ADCY1: variants seen among roughly 807,000 people sequenced by gnomAD.
ADCY1 encodes the protein adenylate cyclase 1, also known as adenylate cyclase type 1.
In ADCY1, 28 loss-of-function variants were observed where a neutral mutation model predicts 105.4. The ratio of observed to expected loss-of-function variants is 0.27; its 90% CI spans 0.20 to 0.36. The LOEUF (loss-of-function observed/expected upper bound fraction) is 0.36. ADCY1 is among the 10% of genes least tolerant of loss of function. The pLI, the probability that ADCY1 is intolerant of heterozygous loss-of-function variation, is 1.00. For missense variants in ADCY1, 977 were observed against 1,434.2 expected, an observed-to-expected ratio of 0.68 and a Z score of 5.15; for synonymous variants, 655 against 623.8, an observed-to-expected ratio of 1.05 and a Z score of -0.75.
In ADCY1 at chr7:45,720,016, A is replaced by T. The variant is rs771825116; in HGVS notation, c.*6021A>T. On this transcript the variant is annotated 3_prime_UTR_variant, in exon 20 of 20. Transcript: ENST00000297323. ...TTCTCGGTGTGCAGAGGCTGTAGAG[A>T]GAGCCTCAGGGCGGTGACCGCTGCA... The T allele has an allele frequency of 6.6e-6, 1 of 152,070 alleles. No individual in the cohort carries two copies. The highest frequency in any genetic ancestry group is 1.5e-5 in the Non-Finnish European group (1 of 68,032). 9.4% of individuals were successfully genotyped at this position (152,070 alleles called of 1,614,324 possible).
At chr7:45,637,389 C>G (rs1169895755) in intron 4 of ADCY1, among the ~76,000 whole-genome samples, 1 of 152,170 alleles carries the variant, frequency 6.6e-6, no homozygotes, top group Non-Finnish European at 1.5e-5. Flanking sequence ...GCTTTTCATT[C>G]ATTTATGCAG....
chr7:45,594,734 G>C (rs180702981), intron 2 of ADCY1, among the ~76,000 whole-genome samples: 56 of 152,282 alleles, frequency 3.7e-4, no homozygotes, highest in Middle Eastern at 3.4e-3. Flanking sequence ...GGAGGAGGCA[G>C]TCCACACTCA....
At chr7:45,661,222 A>G (rs1279470200) in intron 7 of ADCY1, among the ~76,000 whole-genome samples, 1 of 152,164 alleles carries the variant, frequency 6.6e-6, no homozygotes. Flanking sequence ...CAAGATAGGT[A>G]CAGTATACAG....
intron 4 of ADCY1, among the ~76,000 whole-genome samples, chr7:45,632,948 T>A (rs1274536668): frequency 6.6e-6 from 1 of 152,142 alleles, no homozygotes; most frequent in Non-Finnish European, 1.5e-5. Context: ...GACGGAGTCT[T>A]GCTCTGTTGC....
At chr7:45,699,734 G>C (rs1266513887) in intron 14 of ADCY1, among the ~76,000 whole-genome samples, 1 of 152,118 alleles carries the variant, frequency 6.6e-6, no homozygotes, top group South Asian at 2.1e-4. Flanking sequence ...CCTACTCCTG[G>C]TACTCTGAGG....
In ADCY1 at chr7:45,722,481, T is replaced by C. The variant is rs1053968800; in HGVS notation, c.*8486T>C. The C allele has an allele frequency of 1.3e-5, 2 of 151,904 alleles. No homozygotes were observed. Among genetic ancestry groups the C allele is most frequent in the African/African-American group, 2.4e-5 (1 of 41,182 alleles). 9.4% of individuals were successfully genotyped at this position (151,904 alleles called of 1,614,324 possible). ...GAGCTTTGTGTAGCTCGTGCACTTA[T>C]TATGCACCACCTCCCTTCAGTCACC... is the stretch of plus-strand genomic sequence containing the variant. On this transcript the variant is annotated 3_prime_UTR_variant, in exon 20 of 20. Transcript: ENST00000297323.
chr7:45,693,381 A>G lies in ADCY1; in HGVS notation c.2454+6708A>G, dbSNP rs549734630. ...GTTAGGGAGGATTCCCTCTTTTTCT[A>G]TTGATTGGAATACTTTCAGAAGGAA... On this transcript the variant is annotated intron_variant, in intron 14 of 19. Coordinates refer to ENST00000297323, the MANE Select transcript of ADCY1 (RefSeq NM_021116.4). 1.5e-3 allele frequency among the ~76,000 whole-genome samples: 219 copies of G among 142,290 alleles called. 1 individual carries two copies. The highest frequency in any genetic ancestry group is 2.6e-3 in the Non-Finnish European group (170 of 65,730). 93.3% of individuals were successfully genotyped at this position (142,290 alleles called of 152,430 possible). A position where few individuals can be genotyped will look rare whatever the true frequency, so the allele number is the denominator to read the frequency against.
At chr7:45,632,876 A>G (rs910175326) in intron 4 of ADCY1, among the ~76,000 whole-genome samples, 14 of 151,834 alleles carry the variant, frequency 9.2e-5, no homozygotes, top group African/African-American at 3.1e-4. Context: ...CGGCCAATGT[A>G]TATGTGTTTT....
chr7:45,614,024 C>G (rs1451291853), intron 3 of ADCY1, among the ~76,000 whole-genome samples: 1 of 152,124 alleles, frequency 6.6e-6, no homozygotes, highest in Non-Finnish European at 1.5e-5. Context: ...GGAGTTCTTA[C>G]ATTGAAATGA....
At chr7:45,601,879 A>G (rs1281353213) in intron 2 of ADCY1, among the ~76,000 whole-genome samples, 1 of 152,092 alleles carries the variant, frequency 6.6e-6, no homozygotes, top group African/African-American at 2.4e-5. Flanking sequence ...AGCAGTGTGG[A>G]TGGAGGACAC....
rs546576834 is a variant in ADCY1 at position 45,608,920 on chromosome 7, G to A, written c.790-1459G>A. Among the ~76,000 whole-genome samples, 6 of 152,248 alleles carry A rather than the reference G, an allele frequency of 3.9e-5. No individual in the cohort carries two copies. The South Asian group carries it at 1.0e-3, about 26-fold the overall frequency. ...GACACACCTCCAGGCCACAGACTCC[G>A]GTGCCAGGACTCAGGCAGCTGAGGC... is the stretch of plus-strand genomic sequence containing the variant. On this transcript the variant is annotated intron_variant, in intron 2 of 19. Coordinates refer to ENST00000297323, the MANE Select transcript of ADCY1 (RefSeq NM_021116.4).
intron 2 of ADCY1, among the ~76,000 whole-genome samples, chr7:45,600,687 C>T (rs1164397277): frequency 6.6e-6 from 1 of 152,236 alleles, no homozygotes; most frequent in Non-Finnish European, 1.5e-5. Flanking sequence ...CCTCACAGTT[C>T]TGGAGGCTGC....
intron 1 of ADCY1, among the ~76,000 whole-genome samples, chr7:45,590,810 G>A (rs1792892779): frequency 6.6e-6 from 1 of 152,152 alleles, no homozygotes; most frequent in African/African-American, 2.4e-5. Context: ...ATCCCGTCTG[G>A]CCTGCAGAGG....
At chr7:45,690,211 G>A (rs905965828) in intron 14 of ADCY1, among the ~76,000 whole-genome samples, 1 of 152,212 alleles carries the variant, frequency 6.6e-6, no homozygotes, top group Admixed American at 6.5e-5. Flanking sequence ...AGTGGAGGTA[G>A]AGTGGGTCTC....
At chr7:45,589,395 C>T (rs973292857) in intron 1 of ADCY1, among the ~76,000 whole-genome samples, 22 of 152,178 alleles carry the variant, frequency 1.4e-4, no homozygotes, top group Non-Finnish European at 2.9e-4. Context: ...GGCCGCCTGT[C>T]CCCCAGGCCC....
intron 11 of ADCY1, chr7:45,680,572 T>C (rs1458364884): frequency 6.6e-6 from 1 of 152,276 alleles, no homozygotes; most frequent in Non-Finnish European, 1.5e-5. Context: ...TTAAATCTAG[T>C]TTCATTCATT....
intron 2 of ADCY1, among the ~76,000 whole-genome samples, chr7:45,604,624 G>A (rs1423781846): frequency 1.3e-5 from 2 of 152,030 alleles, no homozygotes; most frequent in Non-Finnish European, 2.9e-5. Context: ...TCAAAAATTT[G>A]TTGCGCATAT....
At position 45,647,054 on chromosome 7, in the gene ADCY1, A is replaced by G. The variant is rs890093114; in HGVS notation, c.1021-1616A>G. On this transcript the variant is annotated intron_variant, in intron 4 of 19. Transcript: ENST00000297323. This position sits in a 1 kb window ranked among gnomAD's most constrained non-coding sequence, Gnocchi z 4.6. ...GGCTCAGTGGTGGAAGGAGCTGGGC[A>G]GAGAGCCAACTGTATGCCCAACAGC... is the stretch of plus-strand genomic sequence containing the variant. 3.9e-5 allele frequency among the ~76,000 whole-genome samples: 6 copies of G among 152,254 alleles called. No homozygotes were observed. The highest frequency in any genetic ancestry group is 5.9e-5 in the Non-Finnish European group (4 of 68,038).
In ADCY1 at chr7:45,710,543, C is replaced by T. The variant is rs537502803; in HGVS notation, c.2948C>T (p.Pro983Leu). The T allele has an allele frequency of 6.2e-7, 1 of 1,613,968 alleles. No homozygotes were observed. Among genetic ancestry groups the T allele is most frequent in the African/African-American group, 1.3e-5 (1 of 75,034 alleles). Residue 983 changes from proline (P) to leucine (L), a missense_variant, in exon 19 of 20, where the codon CCT becomes CTT. Coordinates refer to ENST00000297323, the MANE Select transcript of ADCY1 (RefSeq NM_021116.4). This position sits in a 1 kb window ranked among gnomAD's most constrained non-coding sequence, Gnocchi z 4.7. ...TGTTTTCTAGGCATCAATGTTGGCC[C>T]TGTGGTGGCTGGAGTGATTGGCGCT... ...FVLRVGINVG[P>L]VVAGVIGARR...
Sources: gnomAD v4.1 joint callset for allele counts (sites outside exome capture counted in the v4.1 genomes callset) on GRCh38, gnomAD v4.1.1 for gene constraint, Gnocchi (gnomAD v3.1) non-coding constraint, MANE v1.5 for transcripts, NCBI Gene and HGNC (gene_info 2026-07-23, HGNC 2026-07-21) for gene names.